Variants in PHLDB3 observed in about 807,000 individuals in gnomAD.
The protein encoded by PHLDB3 is pleckstrin homology like domain family B member 3.
PHLDB3 carries 86 observed loss-of-function variants against 85.7 expected under a neutral mutation model. The ratio of observed to expected loss-of-function variants is 1.00; its 90% CI spans 0.84 to 1.20. PHLDB3 has a LOEUF of 1.20. Among genes scored for constraint, PHLDB3 ranks in the 50% most tolerant of loss-of-function variants. The pLI is 0.00. For synonymous variants in PHLDB3, 376 were observed against 349.8 expected, an observed-to-expected ratio of 1.07 and a Z score of -0.83; for missense variants, 995 against 873.0, an observed-to-expected ratio of 1.14 and a Z score of -1.76.
intron 15 of PHLDB3, 81 bp from the exon 16 acceptor site, chr19:43,475,625 T>G: frequency 6.4e-7 from 1 of 1,565,202 alleles, no homozygotes; most frequent in Non-Finnish European, 8.7e-7. Flanking sequence ...TTGCTACTTA[T>G]AGTCTGTGTG....
chr19:43,492,187 G>A (rs1287139807), intron 9 of PHLDB3, among the ~76,000 whole-genome samples: 6 of 150,574 alleles, frequency 4.0e-5, no homozygotes, highest in South Asian at 2.1e-4. Context: ...TCCTGACCTC[G>A]TGCTCCGCCT....
chr19:43,494,017 A>C (rs914883156), intron 9 of PHLDB3, among the ~76,000 whole-genome samples: 2 of 152,030 alleles, frequency 1.3e-5, no homozygotes, highest in Non-Finnish European at 2.9e-5. Context: ...ATTTTTGAGC[A>C]TTTTGGATTA....
rs61434210 is a variant in PHLDB3 at position 43,503,669 on chromosome 19, C to T, written c.213+237G>A. 4.1e-3 allele frequency among the ~76,000 whole-genome samples: 618 copies of T among 152,262 alleles called. 6 individuals carry two copies. The highest frequency in any genetic ancestry group is 0.014 in the African/African-American group (591 of 41,554). ...GTCTATCTCCGTTCTTGGGGCCTCC[C>T]CGTGGCTCTATCTGGTTTCTGTCTC... On this transcript the variant is annotated intron_variant, in intron 2 of 15. Transcript: ENST00000292140.
At chr19:43,485,050 C>G (rs1364571802) in intron 13 of PHLDB3, among the ~76,000 whole-genome samples, 1 of 151,524 alleles carries the variant, frequency 6.6e-6, no homozygotes, top group Non-Finnish European at 1.5e-5. Context: ...AATATATATA[C>G]CTAGTACATA....
At chr19:43,501,640 G>A in intron 4 of PHLDB3, 94 bp downstream of exon 4, 2 of 1,520,874 alleles carry the variant, frequency 1.3e-6, no homozygotes, top group Non-Finnish European at 1.8e-6. Flanking sequence ...TTTGGGGAAT[G>A]GGGACAACCC....
In PHLDB3 at chr19:43,497,166, C is replaced by A; in HGVS notation, c.777G>T (p.Val259=). The change falls in exon 6 of 16, where the codon GTG becomes GTT. Residue 259 remains valine, a synonymous_variant. Transcript: ENST00000292140. ...GGAGTTCCTGGACCTTGGGGTCTGG[C>A]ACCTGGGGCCCAGGGCTGTCCCGAT... is the stretch of plus-strand genomic sequence containing the variant. ...EEDRDSPGPQ[V]PDPKVQELQA... is the part of the protein sequence containing the mutation. The A allele has an allele frequency of 1.3e-6, 2 of 1,557,894 alleles. No individual in the cohort carries two copies.
chr19:43,503,423 C>T (rs981290575), intron 2 of PHLDB3, among the ~76,000 whole-genome samples: 2 of 152,200 alleles, frequency 1.3e-5, no homozygotes, highest in Non-Finnish European at 2.9e-5. Context: ...CTGCCTCAGC[C>T]TCCCGAGTAG....
At chr19:43,504,196 G>C in intron 1 of PHLDB3, 64 bp from the exon 2 acceptor site, 9 of 1,419,346 alleles carry the variant, frequency 6.3e-6, no homozygotes, top group Non-Finnish European at 8.4e-6. Context: ...CGCCGCTCGC[G>C]TCTGCTCCGG....
intron 14 of PHLDB3, 134 bp downstream of exon 14, chr19:43,479,243 G>A: frequency 1.2e-6 from 1 of 858,206 alleles, no homozygotes; most frequent in South Asian, 1.7e-5. Flanking sequence ...GGGAAGTTAG[G>A]AGCTAGGGAA....
intron 12 of PHLDB3, 111 bp from the exon 13 acceptor site, chr19:43,486,433 G>T: frequency 7.8e-7 from 1 of 1,285,900 alleles, no homozygotes; most frequent in Non-Finnish European, 1.1e-6. Context: ...TGGGGGCCTG[G>T]ACTCCTGGGT....
chr19:43,475,145 C>A lies in PHLDB3; in HGVS notation c.*265G>T. On this transcript the variant is annotated 3_prime_UTR_variant, in exon 16 of 16. Transcript: ENST00000292140. Reference sequence around the variant, plus strand: ...TATTTAATTCGGTATCACAGGAGCACCAATAAATAGTTTCTTCCCGCCCCT... The same window carrying A: ...TATTTAATTCGGTATCACAGGAGCAACAATAAATAGTTTCTTCCCGCCCCT... The A allele has an allele frequency of 2.3e-6, 1 of 425,646 alleles. No homozygotes were observed. The highest frequency in any genetic ancestry group is 4.3e-6 in the Non-Finnish European group (1 of 233,460). 26.4% of individuals were successfully genotyped at this position (425,646 alleles called of 1,614,324 possible).
intron 12 of PHLDB3, 135 bp from the exon 13 acceptor site, chr19:43,486,457 G>A: frequency 1.6e-6 from 2 of 1,254,510 alleles, no homozygotes; most frequent in South Asian, 1.5e-5. Flanking sequence ...AGGGAGGATG[G>A]GCTGGGGGCC....
chr19:43,494,863 G>T, intron 8 of PHLDB3, 48 bp from the exon 9 acceptor site: 1 of 1,418,492 alleles, frequency 7.0e-7, no homozygotes, highest in Non-Finnish European at 9.8e-7. Context: ...AGACCCCAGA[G>T]CAACTGCCAG....
At chr19:43,501,103 A>G (rs1049282978) in intron 4 of PHLDB3, among the ~76,000 whole-genome samples, 1 of 150,540 alleles carries the variant, frequency 6.6e-6, no homozygotes, top group African/African-American at 2.4e-5. Flanking sequence ...TTAATCATTG[A>G]TGAAGCTGGT....
At position 43,494,743 on chromosome 19, in the gene PHLDB3, G is replaced by A; in HGVS notation, c.1108C>T (p.Pro370Ser). 1 of 1,613,370 alleles carries A rather than the reference G, an allele frequency of 6.2e-7. No individual in the cohort carries two copies. The highest frequency in any genetic ancestry group is 8.5e-7 in the Non-Finnish European group (1 of 1,179,766). Residue 370 changes from proline to serine, a missense_variant, in exon 9 of 16, where the codon CCT becomes TCT. Physicochemically the swap from Pro to Ser is moderately conservative, Grantham distance 74. Transcript: ENST00000292140. Reference sequence around the variant, plus strand: ...ACAGAAAAGAGGCAGGAAGAAGTAGGGGTGGCAGCGGAGTGGGCCACGGCA... The same window carrying A: ...ACAGAAAAGAGGCAGGAAGAAGTAGAGGTGGCAGCGGAGTGGGCCACGGCA... Reference protein sequence around the residue: ...QDAVAHSAATPTSSCLFSVHS... With the variant: ...QDAVAHSAATSTSSCLFSVHS...
chr19:43,490,043 A>C lies in PHLDB3; in HGVS notation c.1150-2920T>G, dbSNP rs1971277986. Among the ~76,000 whole-genome samples the C allele has an allele frequency of 2.4e-5, 3 of 122,870 alleles. No homozygotes were observed. The South Asian group carries it at 1.0e-3, about 41-fold the overall frequency. 80.6% of individuals were successfully genotyped at this position (122,870 alleles called of 152,430 possible). On this transcript the variant is annotated intron_variant, in intron 9 of 15. Coordinates refer to ENST00000292140, the MANE Select transcript of PHLDB3 (RefSeq NM_198850.4). ...AAAAAGAAAGAGCAAGAGAGAGAAA[A>C]AGGAAGGAAGGAAGGAAGGAAGGGA...
chr19:43,484,004 C>T (rs867698144), intron 13 of PHLDB3, among the ~76,000 whole-genome samples: 6 of 152,036 alleles, frequency 3.9e-5, no homozygotes, highest in Non-Finnish European at 7.4e-5. Context: ...GTAATGCCAG[C>T]ACTTTGGGAG....
At chr19:43,499,403 C>G (rs762910663) in intron 4 of PHLDB3, among the ~76,000 whole-genome samples, 2 of 151,612 alleles carry the variant, frequency 1.3e-5, no homozygotes, top group Non-Finnish European at 2.9e-5. Context: ...GTCTGGACTT[C>G]TGGGTTTGAG....
chr19:43,496,424 A>G (rs1162569172), intron 6 of PHLDB3: 1 of 152,142 alleles, frequency 6.6e-6, no homozygotes, highest in African/African-American at 2.4e-5. Flanking sequence ...GGCTCCCAGG[A>G]AGGATCTGAT....
Sources: gnomAD v4.1 joint callset for allele counts (sites outside exome capture counted in the v4.1 genomes callset) on GRCh38, gnomAD v4.1.1 for gene constraint, MANE v1.5 for transcripts, NCBI Gene and HGNC (gene_info 2026-07-23, HGNC 2026-07-21) for gene names.